MYO16: variants seen among roughly 807,000 people sequenced by gnomAD.
The protein encoded by MYO16 is unconventional myosin-XVI.
MYO16 carries 94 observed loss-of-function variants against 205.3 expected under a neutral mutation model. The ratio of observed to expected loss-of-function variants is 0.46; its 90% CI spans 0.39 to 0.54. The LOEUF (loss-of-function observed/expected upper bound fraction) is 0.54, where lower values mean the gene tolerates loss of function less well. MYO16 is among the 20% of genes least tolerant of loss of function. The probability of loss-of-function intolerance (pLI) is 0.00; values close to 1 mark genes in which losing one functional copy is unlikely to be tolerated. For synonymous variants in MYO16, 988 were observed against 954.0 expected, an observed-to-expected ratio of 1.04 and a Z score of -0.66; for missense variants, 2,315 against 2,387.5, an observed-to-expected ratio of 0.97 and a Z score of 0.63.
chr13:108,823,593 G>A (rs1876100180), intron 9 of MYO16, among the ~76,000 whole-genome samples: 1 of 151,972 alleles, frequency 6.6e-6, no homozygotes, highest in Non-Finnish European at 1.5e-5. Context: ...TATCATTATG[G>A]CTGACTTTCC....
At chr13:108,648,861 G>A (rs1880870694) in intron 1 of MYO16, among the ~76,000 whole-genome samples, 2 of 151,954 alleles carry the variant, frequency 1.3e-5, no homozygotes, top group South Asian at 4.2e-4. Flanking sequence ...TGTATTGCTG[G>A]ATCAGGGGTC....
chr13:108,633,641 A>G (rs927966845), intron 1 of MYO16, among the ~76,000 whole-genome samples: 1 of 152,186 alleles, frequency 6.6e-6, no homozygotes, highest in Non-Finnish European at 1.5e-5. Flanking sequence ...ACACCCAGGA[A>G]CAATACTTTG....
At chr13:108,506,381 T>G in the MYO16 span, among the ~76,000 whole-genome samples, 1 of 152,304 alleles carries the variant, frequency 6.6e-6, no homozygotes, top group Non-Finnish European at 1.5e-5. Flanking sequence ...TTTACCTCTC[T>G]GGTTTAGTTT....
chr13:108,699,076 G>GTC (rs71791844), intron 2 of MYO16, among the ~76,000 whole-genome samples: 22,385 of 147,736 alleles, frequency 0.15, 1,892 homozygotes, highest in Middle Eastern at 0.24. Context: ...GTCTCTCTCT[G>GTC]TCTCTCTCTC....
chr13:108,883,074 T>C lies in MYO16; in HGVS notation c.1441T>C (p.Phe481Leu). Reference sequence around the variant, plus strand: ...TGTTTTCCAGGTGTCCCAGCTGTATTTCAGCTCCTCAGGGAAGCTGTGTTC... The same window carrying C: ...TGTTTTCCAGGTGTCCCAGCTGTATCTCAGCTCCTCAGGGAAGCTGTGTTC... ...IYSSMVSQLY[F>L]SSSGKLCSSL... The change falls in exon 13 of 35, where the codon TTC (phenylalanine) becomes CTC (leucine). Residue 481 changes from phenylalanine to leucine, a missense_variant. Transcript: ENST00000457511. The C allele has an allele frequency of 6.2e-7, 1 of 1,614,032 alleles. No individual in the cohort carries two copies. The highest frequency in any genetic ancestry group is 1.1e-5 in the South Asian group (1 of 91,064).
At chr13:109,076,766 C>A (rs932899516) in intron 27 of MYO16, among the ~76,000 whole-genome samples, 4 of 152,042 alleles carry the variant, frequency 2.6e-5, no homozygotes, top group Non-Finnish European at 5.9e-5. Flanking sequence ...GATGTACATG[C>A]AGTCTGGATG....
intron 22 of MYO16, among the ~76,000 whole-genome samples, chr13:109,013,278 A>C (rs1004565356): frequency 2.6e-5 from 4 of 151,908 alleles, no homozygotes; most frequent in African/African-American, 7.3e-5. Context: ...CATCCATGTC[A>C]CTACAAAGGA....
chr13:108,806,855 A>G, intron 7 of MYO16, 51 bp downstream of exon 7: 2 of 1,237,292 alleles, frequency 1.6e-6, no homozygotes, highest in Non-Finnish European at 2.1e-6. Flanking sequence ...TAATTAATGA[A>G]TAATTTCATA....
chr13:108,974,982 G>A (rs1438362789), intron 20 of MYO16, among the ~76,000 whole-genome samples: 1 of 152,106 alleles, frequency 6.6e-6, no homozygotes, highest in East Asian at 1.9e-4. Context: ...CACTTATGAA[G>A]ACTTTACCTA....
intron 22 of MYO16, among the ~76,000 whole-genome samples, chr13:109,015,493 G>T (rs1186128570): frequency 6.6e-6 from 1 of 152,188 alleles, no homozygotes; most frequent in African/African-American, 2.4e-5. Context: ...AGTTATGGTG[G>T]ATTCCCTCTT....
In MYO16 at chr13:109,162,571, C is replaced by T. The variant is rs987664630; in HGVS notation, c.5165-2330C>T. On this transcript the variant is annotated intron_variant, in intron 32 of 34. Transcript: ENST00000457511. The surrounding 1 kb of genome is among the most constrained non-coding windows in gnomAD (Gnocchi z 4.6). ...TGTTTTCCACTTACTAGGTTTTCCA[C>T]GTAGCTGTGAGTCCACCACGTTTAA... Among the ~76,000 whole-genome samples, 1 of 152,158 alleles carries T rather than the reference C, an allele frequency of 6.6e-6. No individual in the cohort carries two copies. The highest frequency in any genetic ancestry group is 2.4e-5 in the African/African-American group (1 of 41,438).
chr13:108,990,233 C>G (rs1017774313), intron 20 of MYO16, among the ~76,000 whole-genome samples: 1 of 151,786 alleles, frequency 6.6e-6, no homozygotes, highest in Non-Finnish European at 1.5e-5. Context: ...ATTGTTAGCA[C>G]TGAATGAACA....
At chr13:109,133,649 TA>T (rs1472439424) in intron 31 of MYO16, among the ~76,000 whole-genome samples, 1 of 152,246 alleles carries the variant, frequency 6.6e-6, no homozygotes, top group Non-Finnish European at 1.5e-5. Context: ...GAACCTGCCC[TA>T]AAAGTATTCT....
intron 32 of MYO16, among the ~76,000 whole-genome samples, chr13:109,154,025 G>C (rs570362737): frequency 2.4e-4 from 37 of 152,356 alleles, no homozygotes; most frequent in Admixed American, 2.6e-4. Flanking sequence ...AGTCACTCCA[G>C]CCAATCTACC....
chr13:108,797,869 T>G (rs574691744), intron 6 of MYO16, among the ~76,000 whole-genome samples: 1 of 152,180 alleles, frequency 6.6e-6, no homozygotes, highest in Non-Finnish European at 1.5e-5. Context: ...CACACTTCAG[T>G]AGAGAAGCTA....
chr13:109,038,883 T>C lies in MYO16; in HGVS notation c.2797-8033T>C, dbSNP rs974799874. 2.6e-5 allele frequency among the ~76,000 whole-genome samples: 4 copies of C among 152,172 alleles called. 1 individual carries two copies. The highest frequency in any genetic ancestry group is 1.3e-4 in the Admixed American group (2 of 15,274). On this transcript the variant is annotated intron_variant, in intron 23 of 34. Transcript: ENST00000457511. ...CTTATTACTGTGCTAAGATTCTAAATGGATATTTTTCTCCTAGCTCCCTGC... is the reference window on the plus strand; with the variant it reads ...CTTATTACTGTGCTAAGATTCTAAACGGATATTTTTCTCCTAGCTCCCTGC...
At chr13:109,163,491 ACTCCCTCCTTCCCTCCCTCCCTCCCAC>A (rs1376987192) in intron 32 of MYO16, among the ~76,000 whole-genome samples, 6 of 53,166 alleles carry the variant, frequency 1.1e-4, no homozygotes, top group South Asian at 7.6e-4. Flanking sequence ...ATCCCTCCCC[ACTCCCTCCTTCCCTCCCTCCCTCCCAC>A]CTCCCTCCTT....
At chr13:108,624,052 A>G (rs527842460) in intron 1 of MYO16, among the ~76,000 whole-genome samples, 1 of 152,324 alleles carries the variant, frequency 6.6e-6, no homozygotes, top group South Asian at 2.1e-4. Flanking sequence ...TAAGAGCATG[A>G]TTCAACTAAA....
chr13:108,720,790 G>A (rs1004267607), intron 3 of MYO16, among the ~76,000 whole-genome samples: 6 of 152,118 alleles, frequency 3.9e-5, no homozygotes, highest in Non-Finnish European at 7.4e-5. Context: ...TAGATCCAAC[G>A]CTCATTTTAA....
Sources: gnomAD v4.1 joint callset for allele counts (sites outside exome capture counted in the v4.1 genomes callset) on GRCh38, gnomAD v4.1.1 for gene constraint, Gnocchi (gnomAD v3.1) non-coding constraint, MANE v1.5 for transcripts, NCBI Gene and HGNC (gene_info 2026-07-23, HGNC 2026-07-21) for gene names.